Variants in RBFOX1 observed in about 807,000 individuals in gnomAD.
RBFOX1 encodes the protein RNA binding protein fox-1 homolog 1.
Under a neutral mutation model 57.7 loss-of-function variants are expected in RBFOX1, and 8 were observed. The ratio of observed to expected loss-of-function variants is 0.14; its 90% confidence interval spans 0.08 to 0.25. RBFOX1 has a LOEUF of 0.25. Ranked by LOEUF, RBFOX1 falls within the 10% of genes least tolerant of loss-of-function variation. RBFOX1 has a pLI of 1.00. For synonymous variants in RBFOX1, 326 were observed against 222.4 expected, an observed-to-expected ratio of 1.47 and a Z score of -4.15; for missense variants, 611 against 548.5, an observed-to-expected ratio of 1.11 and a Z score of -1.14.
intron 1 of RBFOX1, among the ~76,000 whole-genome samples, chr16:6,286,528 G>C (rs992786606): frequency 6.6e-6 from 1 of 152,224 alleles, no homozygotes; most frequent in African/African-American, 2.4e-5. Context: ...AATGAGATAT[G>C]TGCTACCCTT....
intron 3 of RBFOX1, among the ~76,000 whole-genome samples, chr16:6,836,917 A>G (rs990894463): frequency 1.3e-5 from 2 of 152,286 alleles, no homozygotes; most frequent in South Asian, 4.1e-4. Context: ...CCAAGCAAAG[A>G]GTGTGACACA....
At chr16:7,554,617 A>C (rs2087708490) in intron 5 of RBFOX1, among the ~76,000 whole-genome samples, 1 of 152,100 alleles carries the variant, frequency 6.6e-6, no homozygotes. Context: ...ACACCAGTGA[A>C]TTCAGATTAG....
chr16:6,923,547 A>T (rs1189116731), intron 3 of RBFOX1, among the ~76,000 whole-genome samples: 1 of 152,100 alleles, frequency 6.6e-6, no homozygotes, highest in Non-Finnish European at 1.5e-5. Flanking sequence ...ATAAATAAAT[A>T]AAAAGATGTG....
At chr16:6,309,613 G>T (rs1329740482) in intron 1 of RBFOX1, among the ~76,000 whole-genome samples, 3 of 151,776 alleles carry the variant, frequency 2.0e-5, no homozygotes, top group Admixed American at 2.0e-4. Context: ...CTCCTGTAAG[G>T]CCAAGACAGG....
intron 2 of RBFOX1, among the ~76,000 whole-genome samples, chr16:6,455,704 A>G (rs2094754249): frequency 6.6e-6 from 1 of 152,128 alleles, no homozygotes; most frequent in African/African-American, 2.4e-5. Context: ...GGTCTCCTAC[A>G]CTTCACAAAG....
At chr16:6,927,414 CA>C (rs1194663760) in intron 3 of RBFOX1, among the ~76,000 whole-genome samples, 47 of 53,136 alleles carry the variant, frequency 8.8e-4, no homozygotes, top group Middle Eastern at 0.017. Context: ...CGCTTTCTCA[CA>C]AAAAAAAAAA....
intron 7 of RBFOX1, among the ~76,000 whole-genome samples, chr16:7,593,522 A>G (rs1173067262): frequency 2.0e-5 from 3 of 152,196 alleles, no homozygotes; most frequent in Non-Finnish European, 4.4e-5. Context: ...ATTCAGGCTT[A>G]TCCTAATCAC....
intron 2 of RBFOX1, among the ~76,000 whole-genome samples, chr16:6,322,728 A>T (rs1295435513): frequency 6.6e-6 from 1 of 152,208 alleles, no homozygotes; most frequent in East Asian, 1.9e-4. Flanking sequence ...AAAATTCAGC[A>T]GATGGGTTGG....
intron 1 of RBFOX1, among the ~76,000 whole-genome samples, chr16:6,041,300 G>T (rs537667190): frequency 1.3e-5 from 2 of 152,128 alleles, no homozygotes; most frequent in Non-Finnish European, 2.9e-5. Context: ...CCTTCTTTCA[G>T]GGGGAGGGTA....
chr16:7,507,565 C>CTTTCTTT (rs1262724203), intron 4 of RBFOX1, among the ~76,000 whole-genome samples: 15 of 132,560 alleles, frequency 1.1e-4, no homozygotes, highest in African/African-American at 4.3e-4. Context: ...TTCTTTCTTT[C>CTTTCTTT]TTTTTTTTTT....
chr16:6,329,446 T>A (rs2082748339), intron 2 of RBFOX1, among the ~76,000 whole-genome samples: 1 of 152,212 alleles, frequency 6.6e-6, no homozygotes. Flanking sequence ...CTGTGGAGTC[T>A]ACGCTCTTGA....
intron 3 of RBFOX1, among the ~76,000 whole-genome samples, chr16:5,642,548 C>T (rs1322885294): frequency 6.6e-6 from 1 of 152,188 alleles, no homozygotes; most frequent in African/African-American, 2.4e-5. Flanking sequence ...TTCACATAAG[C>T]AAGTGCTTAT....
intron 4 of RBFOX1, among the ~76,000 whole-genome samples, chr16:7,409,265 A>T (rs1217470059): frequency 6.6e-6 from 1 of 152,150 alleles, no homozygotes; most frequent in African/African-American, 2.4e-5. Context: ...CTGTTAGAGG[A>T]GCTTTGTCCG....
At chr16:5,721,621 T>A (rs1174307475) in intron 3 of RBFOX1, among the ~76,000 whole-genome samples, 1 of 152,214 alleles carries the variant, frequency 6.6e-6, no homozygotes, top group African/African-American at 2.4e-5. Flanking sequence ...ATTCCCTTTA[T>A]AATTTTGAAA....
chr16:5,886,033 C>T (rs768950644), intron 4 of RBFOX1, among the ~76,000 whole-genome samples: 2 of 152,112 alleles, frequency 1.3e-5, no homozygotes, highest in Non-Finnish European at 2.9e-5. Context: ...TAACACCTCT[C>T]CCTTCACTCC....
intron 3 of RBFOX1, among the ~76,000 whole-genome samples, chr16:7,037,917 A>G (rs993552913): frequency 3.9e-5 from 6 of 152,254 alleles, no homozygotes; most frequent in African/African-American, 1.4e-4. Flanking sequence ...ATTGGGATGC[A>G]GATTATAAAA....
intron 3 of RBFOX1, among the ~76,000 whole-genome samples, chr16:5,796,085 C>T (rs1332286981): frequency 1.3e-5 from 2 of 152,130 alleles, no homozygotes; most frequent in East Asian, 1.9e-4. Flanking sequence ...GAAGGGAGGA[C>T]TTCTGTCACT....
intron 3 of RBFOX1, among the ~76,000 whole-genome samples, chr16:5,634,249 GTC>G (rs1229407892): frequency 6.6e-6 from 1 of 152,200 alleles, no homozygotes; most frequent in Non-Finnish European, 1.5e-5. Context: ...AAAGCCTGAA[GTC>G]TTGTCCTTAC....
At chr16:6,219,237 G>A (rs1198383571) in intron 1 of RBFOX1, among the ~76,000 whole-genome samples, 1 of 152,334 alleles carries the variant, frequency 6.6e-6, no homozygotes, top group East Asian at 1.9e-4. Flanking sequence ...GGGAGGCTGA[G>A]GTGGGAGGAT....
Sources: allele counts gnomAD v4.1 joint callset (sites outside exome capture counted in the v4.1 genomes callset), GRCh38; gene constraint gnomAD v4.1.1; transcripts MANE v1.5; gene names NCBI Gene and HGNC (gene_info 2026-07-23, HGNC 2026-07-21).